TBC1D9: variants seen among roughly 807,000 people sequenced by gnomAD.
The protein encoded by TBC1D9 is TBC1 domain family member 9A.
TBC1D9 carries 63 observed loss-of-function variants against 132.0 expected under a neutral mutation model. That is an observed-to-expected ratio of 0.48 (90% CI 0.39 to 0.59). The LOEUF is 0.59. Ranked by LOEUF, TBC1D9 falls within the 20% of genes least tolerant of loss-of-function variation. TBC1D9 has a pLI of 0.00. For synonymous variants in TBC1D9, 610 were observed against 609.9 expected, an observed-to-expected ratio of 1.00 and a Z score of 0.00; for missense variants, 1,261 against 1,592.7, an observed-to-expected ratio of 0.79 and a Z score of 3.54.
chr4:140,651,936 A>G (rs1018696288), intron 13 of TBC1D9, among the ~76,000 whole-genome samples: 4 of 152,200 alleles, frequency 2.6e-5, no homozygotes, highest in African/African-American at 9.7e-5. Context: ...TGCTTATACA[A>G]TCTTAAATAA....
At chr4:140,742,478 G>A (rs1738773755) in intron 1 of TBC1D9, among the ~76,000 whole-genome samples, 1 of 139,426 alleles carries the variant, frequency 7.2e-6, no homozygotes, top group African/African-American at 2.7e-5. Flanking sequence ...GTTGCAGTGA[G>A]CCGAGATTGC....
chr4:140,626,876 G>A (rs561648963), intron 18 of TBC1D9, among the ~76,000 whole-genome samples: 143 of 152,262 alleles, frequency 9.4e-4, no homozygotes, highest in Admixed American at 5.9e-4. Context: ...ATATAAATGA[G>A]CTTGGCTGTC....
intron 1 of TBC1D9, among the ~76,000 whole-genome samples, chr4:140,748,654 C>T (rs145759214): frequency 5.3e-4 from 81 of 152,258 alleles, no homozygotes; most frequent in East Asian, 3.7e-3. Flanking sequence ...TCAGAAGAAA[C>T]GATGTCTCAA....
At chr4:140,669,504 C>G in intron 8 of TBC1D9, 130 bp downstream of exon 8, 2 of 1,074,808 alleles carry the variant, frequency 1.9e-6, no homozygotes, top group Non-Finnish European at 2.7e-6. Flanking sequence ...CATATTTAGA[C>G]AAAAATCTGC....
chr4:140,683,069 G>T (rs1262224224), intron 3 of TBC1D9, among the ~76,000 whole-genome samples: 1 of 151,802 alleles, frequency 6.6e-6, no homozygotes, highest in Non-Finnish European at 1.5e-5. Flanking sequence ...TTGTATTTTT[G>T]ATTTCTGCAT....
chr4:140,699,777 T>C (rs13149166), intron 2 of TBC1D9, among the ~76,000 whole-genome samples: 54,601 of 152,070 alleles, frequency 0.36, 11,654 homozygotes, highest in Non-Finnish European at 0.47. Context: ...TACTTACAAA[T>C]AATGTATCAA....
intron 2 of TBC1D9, among the ~76,000 whole-genome samples, chr4:140,696,419 T>G (rs1335439271): frequency 8.5e-6 from 1 of 118,132 alleles, no homozygotes; most frequent in Non-Finnish European, 1.6e-5. Flanking sequence ...ATTGTGCCAC[T>G]GCACTCCAGC....
chr4:140,672,174 T>C (rs1737548118), intron 6 of TBC1D9, among the ~76,000 whole-genome samples: 1 of 151,142 alleles, frequency 6.6e-6, no homozygotes, highest in African/African-American at 2.4e-5. Flanking sequence ...AGAGTATATA[T>C]GATTCTTTTA....
intron 1 of TBC1D9, among the ~76,000 whole-genome samples, chr4:140,751,650 G>A (rs954916877): frequency 6.6e-6 from 1 of 152,110 alleles, no homozygotes; most frequent in Non-Finnish European, 1.5e-5. Context: ...TCTTTACAGA[G>A]TAAATAGGTA....
At chr4:140,738,907 C>T (rs1738716829) in intron 1 of TBC1D9, among the ~76,000 whole-genome samples, 1 of 152,196 alleles carries the variant, frequency 6.6e-6, no homozygotes, top group African/African-American at 2.4e-5. Context: ...TAACTATAAT[C>T]CATGACAAAC....
intron 20 of TBC1D9, among the ~76,000 whole-genome samples, chr4:140,623,356 C>T (rs1334728720): frequency 2.0e-5 from 3 of 152,152 alleles, no homozygotes; most frequent in Non-Finnish European, 4.4e-5. Flanking sequence ...GTGTGAGCCA[C>T]CACACCCAGC....
At chr4:140,648,035 C>G (rs1347774094) in intron 13 of TBC1D9, among the ~76,000 whole-genome samples, 1 of 152,134 alleles carries the variant, frequency 6.6e-6, no homozygotes, top group African/African-American at 2.4e-5. Context: ...TCCCATTACC[C>G]AAAACAAAGA....
At chr4:140,705,273 A>C (rs1276884736) in intron 1 of TBC1D9, among the ~76,000 whole-genome samples, 4 of 152,158 alleles carry the variant, frequency 2.6e-5, no homozygotes, top group Non-Finnish European at 5.9e-5. Flanking sequence ...TAATCTTTTA[A>C]TGCCGTCTCA....
At chr4:140,642,223 G>C in intron 13 of TBC1D9, 1 of 730,082 alleles carries the variant, frequency 1.4e-6, no homozygotes, top group South Asian at 1.6e-5. Flanking sequence ...CTCTCCTTCA[G>C]GAATTCTTCG....
At chr4:140,710,147 C>A (rs1285958088) in intron 1 of TBC1D9, among the ~76,000 whole-genome samples, 3 of 152,128 alleles carry the variant, frequency 2.0e-5, no homozygotes, top group African/African-American at 7.2e-5. Flanking sequence ...TTTCACAATG[C>A]AAACCAATAT....
At chr4:140,740,327 A>AT in intron 1 of TBC1D9, among the ~76,000 whole-genome samples, 2 of 152,348 alleles carry the variant, frequency 1.3e-5, no homozygotes, top group East Asian at 3.9e-4. Context: ...GATTTCCAAA[A>AT]ACAGGGACAG....
intron 1 of TBC1D9, among the ~76,000 whole-genome samples, chr4:140,752,230 T>G (rs760709733): frequency 6.6e-6 from 1 of 152,096 alleles, no homozygotes; most frequent in African/African-American, 2.4e-5. Flanking sequence ...ATCATAGTTT[T>G]CTACACAGAA....
At chr4:140,644,617 T>C in intron 13 of TBC1D9, 1 of 377,784 alleles carries the variant, frequency 2.6e-6, no homozygotes, top group South Asian at 2.0e-5. Context: ...CCTCTGCGCC[T>C]TCAGCCGCTC....
intron 13 of TBC1D9, chr4:140,644,996 G>C: frequency 2.2e-6 from 1 of 464,986 alleles, no homozygotes; most frequent in Middle Eastern, 5.0e-4. Flanking sequence ...TGGACATGCT[G>C]CCCGAGCGGG....
Sources: allele counts gnomAD v4.1 joint callset (sites outside exome capture counted in the v4.1 genomes callset), GRCh38; gene constraint gnomAD v4.1.1; transcripts MANE v1.5; gene names NCBI Gene and HGNC (gene_info 2026-07-23, HGNC 2026-07-21).